Variants in TYW1 observed in about 807,000 individuals in gnomAD.
The protein encoded by TYW1 is tRNA-yW synthesizing protein 1 homolog.
A neutral mutation model predicts 96.2 loss-of-function variants in TYW1; 46 were observed. The ratio of observed to expected loss-of-function variants is 0.48; its 90% CI spans 0.38 to 0.61. The LOEUF is 0.61. Among genes scored for constraint, TYW1 ranks in the 20% least tolerant of loss-of-function variants. TYW1 has a pLI of 0.00. For missense variants in TYW1, 684 were observed against 909.6 expected (o/e 0.75, Z 3.19); for synonymous variants, 274 against 323.0 (o/e 0.85, Z 1.63).
intron 15 of TYW1, among the ~76,000 whole-genome samples, chr7:67,222,932 A>G (rs1801446584): frequency 7.0e-6 from 1 of 143,404 alleles, no homozygotes; most frequent in Admixed American, 7.2e-5. Flanking sequence ...CAGGTTCACT[A>G]ATCCTTCTGC....
intron 15 of TYW1, among the ~76,000 whole-genome samples, chr7:67,210,970 T>C (rs1195434114): frequency 6.6e-6 from 1 of 151,354 alleles, no homozygotes; most frequent in African/African-American, 2.4e-5. Flanking sequence ...TTTCTGTGTC[T>C]GCCTGCCTGC....
At chr7:67,214,353 A>G (rs184944316) in intron 15 of TYW1, among the ~76,000 whole-genome samples, 142 of 152,304 alleles carry the variant, frequency 9.3e-4, no homozygotes, top group Non-Finnish European at 1.5e-3. Context: ...TTTGTGTCTT[A>G]CAACCTTGCT....
intron 13 of TYW1, among the ~76,000 whole-genome samples, chr7:67,142,562 G>A (rs1428031869): frequency 6.6e-6 from 1 of 151,986 alleles, no homozygotes; most frequent in African/African-American, 2.4e-5. Context: ...CCAAGTAGCT[G>A]GGACTACAGG....
chr7:67,195,247 G>C lies in TYW1; in HGVS notation c.1887G>C (p.Gln629His). 6.2e-7 allele frequency: 1 copy of C among 1,608,820 alleles called. No individual in the cohort carries two copies. The highest frequency in any genetic ancestry group is 8.5e-7 in the Non-Finnish European group (1 of 1,176,860). Residue 629 changes from glutamine (Q) to histidine (H), a missense_variant, in exon 15 of 16, where the codon CAG becomes CAC. By Grantham distance (24) the Gln-to-His change is conservative (BLOSUM62 0). Coordinates refer to ENST00000359626, the MANE Select transcript of TYW1 (RefSeq NM_018264.4). ...TGCCCTGGCATGAGGAAGTGGTACAGTTTGTCCACGAGTTGGTGGATCTGA... is the reference window on the plus strand; with the variant it reads ...TGCCCTGGCATGAGGAAGTGGTACACTTTGTCCACGAGTTGGTGGATCTGA... ...AHVPWHEEVV[Q>H]FVHELVDLIP...
chr7:67,113,700 G>A (rs903375466), intron 12 of TYW1, among the ~76,000 whole-genome samples: 10 of 149,290 alleles, frequency 6.7e-5, no homozygotes, highest in African/African-American at 2.2e-4. Flanking sequence ...GTACAGTGGC[G>A]CAATCTTGGC....
At chr7:67,097,246 A>G (rs1005683584) in intron 11 of TYW1, among the ~76,000 whole-genome samples, 28 of 152,224 alleles carry the variant, frequency 1.8e-4, no homozygotes, top group Non-Finnish European at 2.8e-4. Flanking sequence ...GGTGATTCCA[A>G]TGTGCAGACA....
At chr7:67,235,014 T>C (rs1339918560) in intron 15 of TYW1, among the ~76,000 whole-genome samples, 3 of 152,170 alleles carry the variant, frequency 2.0e-5, no homozygotes, top group Non-Finnish European at 4.4e-5. Flanking sequence ...TACTCTCTCT[T>C]AGAACACCCA....
rs547900506 is a variant in TYW1, at chr7:67,014,648, C to T, written c.570+87C>T. The T allele has an allele frequency of 2.2e-4, 316 of 1,461,412 alleles. 1 individual carries two copies. The highest frequency in any genetic ancestry group is 2.1e-3 in the South Asian group (154 of 72,154). The allele number at this position is 1,461,412 out of a possible 1,614,324, so 90.5% of individuals were successfully genotyped here. On this transcript the variant is annotated intron_variant, in intron 5 of 15. Transcript: ENST00000359626. ...ACGTAAACACACACACGTGCACACA[C>T]GCACACACACATAAACACACATGTA...
At chr7:67,026,186 C>T (rs1348598829) in intron 7 of TYW1, among the ~76,000 whole-genome samples, 2 of 152,156 alleles carry the variant, frequency 1.3e-5, no homozygotes, top group Non-Finnish European at 2.9e-5. Context: ...GATTCTCCTG[C>T]CTCAGCCTCC....
intron 15 of TYW1, among the ~76,000 whole-genome samples, chr7:67,204,495 CCTT>C (rs910180279): frequency 6.6e-6 from 1 of 151,650 alleles, no homozygotes; most frequent in Non-Finnish European, 1.5e-5. Context: ...TCCCTCCCTT[CCTT>C]CTTCTCTTTT....
chr7:67,098,990 C>T (rs1797006618), intron 12 of TYW1, among the ~76,000 whole-genome samples: 1 of 151,524 alleles, frequency 6.6e-6, no homozygotes, highest in African/African-American at 2.4e-5. Context: ...CAGGGTAAAA[C>T]TTACCAGAGA....
chr7:67,226,563 T>C (rs1801564982), intron 15 of TYW1, among the ~76,000 whole-genome samples: 3 of 152,164 alleles, frequency 2.0e-5, no homozygotes, highest in African/African-American at 7.2e-5. Flanking sequence ...GCTCACTGGC[T>C]TCCCCCAACC....
chr7:67,170,281 AT>A (rs1295807978), intron 13 of TYW1, among the ~76,000 whole-genome samples: 3 of 152,174 alleles, frequency 2.0e-5, no homozygotes, highest in Admixed American at 6.5e-5. Flanking sequence ...GTTCTGTTCC[AT>A]TGATCTTCAG....
intron 4 of TYW1, among the ~76,000 whole-genome samples, chr7:67,011,012 T>C (rs192685756): frequency 4.6e-5 from 7 of 152,278 alleles, no homozygotes; most frequent in Non-Finnish European, 8.8e-5. Context: ...AGAAATCTCT[T>C]ATTAGCTGTG....
intron 11 of TYW1, among the ~76,000 whole-genome samples, chr7:67,096,155 C>T (rs1293945182): frequency 2.0e-5 from 3 of 152,180 alleles, no homozygotes; most frequent in East Asian, 1.9e-4. Flanking sequence ...TTTGGGAGGC[C>T]GAGGCGGGCA....
intron 13 of TYW1, among the ~76,000 whole-genome samples, chr7:67,173,977 A>G (rs937703544): frequency 7.1e-6 from 1 of 140,102 alleles, no homozygotes; most frequent in Admixed American, 7.2e-5. Context: ...GTTGCAGGCA[A>G]ACAACCCATT....
At chr7:67,001,786 A>T (rs1313943499) in intron 3 of TYW1, among the ~76,000 whole-genome samples, 5 of 150,504 alleles carry the variant, frequency 3.3e-5, no homozygotes, top group Non-Finnish European at 5.9e-5. Flanking sequence ...TAATCTCAGC[A>T]CTTTGGGAGG....
rs71563189 is a variant in TYW1, at chr7:67,198,952, T to C, written c.1977+3615T>C. Among the ~76,000 whole-genome samples, 544 of 152,222 alleles carry C rather than the reference T, an allele frequency of 3.6e-3. 2 individuals are homozygous for C. Among genetic ancestry groups the C allele is most frequent in the Admixed American group, 6.3e-3 (97 of 15,292 alleles). ...GGCTTACACCTGTAATCCTAGAACTTTGGGAGACCGAGGCAGGTGGATCCC... is the reference window on the plus strand; with the variant it reads ...GGCTTACACCTGTAATCCTAGAACTCTGGGAGACCGAGGCAGGTGGATCCC... On this transcript the variant is annotated intron_variant, in intron 15 of 15. Transcript: ENST00000359626.
chr7:67,073,029 T>C (rs560735684), intron 10 of TYW1, among the ~76,000 whole-genome samples: 2 of 144,176 alleles, frequency 1.4e-5, no homozygotes, highest in African/African-American at 2.5e-5. Flanking sequence ...AGCAGTCCTC[T>C]CCTCTTAGCC....
Sources: gnomAD v4.1 joint callset for allele counts (sites outside exome capture counted in the v4.1 genomes callset) on GRCh38, gnomAD v4.1.1 for gene constraint, MANE v1.5 for transcripts, NCBI Gene and HGNC (gene_info 2026-07-23, HGNC 2026-07-21) for gene names.